Variants in TAF4B observed in about 807,000 individuals in gnomAD.
TAF4B encodes the protein TATA-box binding protein associated factor 4b.
Under a neutral mutation model 86.4 loss-of-function variants are expected in TAF4B, and 38 were observed. The ratio of observed to expected loss-of-function variants is 0.44; its 90% CI spans 0.34 to 0.58. TAF4B has a LOEUF of 0.58. Ranked by LOEUF, TAF4B falls within the 20% of genes least tolerant of loss-of-function variation. The pLI, the probability that TAF4B is intolerant of heterozygous loss-of-function variation, is 0.02. For missense variants in TAF4B, 988 were observed against 1,027.6 expected, an observed-to-expected ratio of 0.96 and a Z score of 0.53; for synonymous variants, 388 against 391.2, an observed-to-expected ratio of 0.99 and a Z score of 0.10.
chr18:26,301,649 CTA>C (rs1181178675), intron 9 of TAF4B, among the ~76,000 whole-genome samples: 18 of 152,250 alleles, frequency 1.2e-4, no homozygotes, highest in African/African-American at 3.9e-4. Context: ...ACCTGTGACT[CTA>C]TTTCTATTAT....
chr18:26,376,198 A>G (rs2057441714), intron 14 of TAF4B, among the ~76,000 whole-genome samples: 1 of 149,382 alleles, frequency 6.7e-6, no homozygotes, highest in Non-Finnish European at 1.5e-5. Context: ...TTTCATGCGT[A>G]TTTTAGGATC....
intron 14 of TAF4B, among the ~76,000 whole-genome samples, chr18:26,382,700 A>G (rs756893416): frequency 6.6e-6 from 1 of 152,146 alleles, no homozygotes; most frequent in Non-Finnish European, 1.5e-5. Context: ...CATATAAGTG[A>G]TGTTATTGGG....
chr18:26,302,126 G>GA (rs1263709742), intron 9 of TAF4B, among the ~76,000 whole-genome samples: 1 of 152,136 alleles, frequency 6.6e-6, no homozygotes, highest in African/African-American at 2.4e-5. Flanking sequence ...GTCTGTAACA[G>GA]AAACAGAAGT....
intron 1 of TAF4B, among the ~76,000 whole-genome samples, chr18:26,232,130 T>C (rs2055680934): frequency 6.6e-6 from 1 of 152,190 alleles, no homozygotes; most frequent in East Asian, 1.9e-4. Context: ...GAGTGCTGAT[T>C]GGTGCATTTT....
At chr18:26,261,884 C>T (rs995079096) in intron 1 of TAF4B, among the ~76,000 whole-genome samples, 4 of 152,160 alleles carry the variant, frequency 2.6e-5, no homozygotes, top group African/African-American at 4.8e-5. Flanking sequence ...CTCTGTTTAA[C>T]GTAAAGACAT....
At chr18:26,367,613 T>C (rs886520432) in intron 14 of TAF4B, among the ~76,000 whole-genome samples, 5 of 152,320 alleles carry the variant, frequency 3.3e-5, no homozygotes, top group East Asian at 3.9e-4. Context: ...AACACTCTTA[T>C]AGACACACAG....
chr18:26,286,465 C>T lies in TAF4B; in HGVS notation c.1556C>T (p.Ala519Val). The change falls in exon 7 of 15, where the codon GCT (alanine) becomes GTT (valine). Residue 519 changes from alanine (A) to valine (V), a missense_variant. By Grantham distance (64) the Ala-to-Val change is moderately conservative. Around this residue, in one of 3 missense-constraint regions of TAF4B, gnomAD observed 747 missense variants for 737.9 expected, o/e 1.01. Transcript: ENST00000269142. Reference protein sequence around the residue: ...AQPGPVLSQPAGIPQAVQVKQ... With the variant: ...AQPGPVLSQPVGIPQAVQVKQ... ...CCGGGCCCTGTCCTTTCACAACCAG[C>T]TGGGATTCCACAGGCAGTTCAAGTC... 1.2e-6 allele frequency: 2 copies of T among 1,613,188 alleles called. No homozygotes were observed. Among genetic ancestry groups the T allele is most frequent in the Non-Finnish European group, 1.7e-6 (2 of 1,179,776 alleles).
chr18:26,247,220 G>GA (rs1054210804), intron 1 of TAF4B, among the ~76,000 whole-genome samples: 1 of 152,128 alleles, frequency 6.6e-6, no homozygotes, highest in African/African-American at 2.4e-5. Context: ...AATACCTTCT[G>GA]AAAAATATCA....
chr18:26,244,786 G>A (rs1383091420), intron 1 of TAF4B, among the ~76,000 whole-genome samples: 1 of 152,166 alleles, frequency 6.6e-6, no homozygotes, highest in Non-Finnish European at 1.5e-5. Context: ...TTTTAGGAGT[G>A]GGAGTAGCCT....
chr18:26,253,933 T>C (rs540441234), intron 1 of TAF4B, among the ~76,000 whole-genome samples: 24 of 120,282 alleles, frequency 2.0e-4, no homozygotes, highest in African/African-American at 7.9e-4. Context: ...TGTTAATTAA[T>C]TTATTTTTTT....
At chr18:26,341,324 A>T (rs1049984094) in intron 13 of TAF4B, among the ~76,000 whole-genome samples, 14 of 152,144 alleles carry the variant, frequency 9.2e-5, no homozygotes, top group Admixed American at 5.9e-4. Context: ...AACATTTAAG[A>T]TAGATGTCAT....
chr18:26,351,449 T>A (rs116913250), intron 13 of TAF4B, among the ~76,000 whole-genome samples: 2 of 152,242 alleles, frequency 1.3e-5, no homozygotes, highest in Non-Finnish European at 2.9e-5. Flanking sequence ...TCTATAGCAC[T>A]GTAGGATGAC....
Position 26,231,593 on chromosome 18 carries a change from TCTG to T in TAF4B, c.343+4321_343+4323del, listed in dbSNP as rs1338190813. Among the ~76,000 whole-genome samples, 20 of 151,982 alleles carry T rather than the reference TCTG, an allele frequency of 1.3e-4. 1 individual carries two copies. The highest frequency in any genetic ancestry group is 2.9e-5 in the Non-Finnish European group (2 of 67,998). ...TCTTTGAACTCCTGGCCTCAAGTGA[TCTG>T]CTGATCTCAGCCTCCCAAAGTGCTG... On this transcript the variant is annotated intron_variant, in intron 1 of 14. Transcript: ENST00000269142.
intron 7 of TAF4B, among the ~76,000 whole-genome samples, chr18:26,287,658 A>C (rs944644478): frequency 6.6e-6 from 1 of 152,174 alleles, no homozygotes; most frequent in African/African-American, 2.4e-5. Flanking sequence ...CTTTTGGTGA[A>C]TGTCCTTGTT....
chr18:26,311,361 G>A (rs748211022), intron 9 of TAF4B, among the ~76,000 whole-genome samples: 14 of 152,168 alleles, frequency 9.2e-5, no homozygotes, highest in African/African-American at 2.7e-4. Flanking sequence ...GGGGCTGGGC[G>A]TGGTGGCTCA....
intron 1 of TAF4B, among the ~76,000 whole-genome samples, chr18:26,239,924 T>C (rs1251036066): frequency 6.6e-6 from 1 of 152,206 alleles, no homozygotes; most frequent in African/African-American, 2.4e-5. Flanking sequence ...TTCTGAGGGC[T>C]CTGTTCTGTT....
intron 11 of TAF4B, among the ~76,000 whole-genome samples, chr18:26,321,842 C>T (rs972732652): frequency 6.6e-6 from 1 of 151,966 alleles, no homozygotes; most frequent in Non-Finnish European, 1.5e-5. Flanking sequence ...TCCTCTGTTC[C>T]TTTTAATAAG....
intron 13 of TAF4B, among the ~76,000 whole-genome samples, chr18:26,356,622 A>G (rs1000671577): frequency 6.6e-6 from 1 of 151,956 alleles, no homozygotes; most frequent in Non-Finnish European, 1.5e-5. Flanking sequence ...GACTGTCTTG[A>G]TCTTGTTTGA....
At chr18:26,300,307 T>TTTATTA (rs57272091) in intron 9 of TAF4B, among the ~76,000 whole-genome samples, 18,256 of 145,296 alleles carry the variant, frequency 0.13, 1,554 homozygotes, top group African/African-American at 0.24. Flanking sequence ...AATGTAGGCA[T>TTTATTA]TTATTATTAT....
Sources: allele counts gnomAD v4.1 joint callset (sites outside exome capture counted in the v4.1 genomes callset), GRCh38; gene constraint gnomAD v4.1.1; regional missense constraint gnomAD v4.1.1; transcripts MANE v1.5; gene names NCBI Gene and HGNC (gene_info 2026-07-23, HGNC 2026-07-21).